VSIG4: variants seen among roughly 807,000 people sequenced by gnomAD.
The protein encoded by VSIG4 is V-set and immunoglobulin domain containing 4.
A neutral mutation model predicts 23.4 loss-of-function variants in VSIG4; 34 were observed. The observed-to-expected ratio is 1.45, with a 90% CI of 1.10 to 1.93. The LOEUF (loss-of-function observed/expected upper bound fraction) is 1.93, where lower values mean the gene tolerates loss of function less well. Ranked by LOEUF, VSIG4 falls within the 30% of genes most tolerant of loss-of-function variation. The pLI is 0.00. For synonymous variants in VSIG4, 169 were observed against 120.3 expected (o/e 1.41, Z -2.65); for missense variants, 433 against 310.8 (o/e 1.39, Z -2.96).
chrX:66,027,545 G>C lies in VSIG4; in HGVS notation c.758-19C>G. 1 of 1,148,158 alleles carries C rather than the reference G, an allele frequency of 8.7e-7. No individual in the cohort carries two copies. The highest frequency in any genetic ancestry group is 1.8e-5 in the African/African-American group (1 of 56,741). 94.6% of individuals were successfully genotyped at this position (1,148,158 alleles called of 1,213,427 possible). ...GATGTTGCTATGAATATAGAGAATAGGGTCAGAGATGTCTCTCTTCTTTCA... is the reference window on the plus strand; with the variant it reads ...GATGTTGCTATGAATATAGAGAATACGGTCAGAGATGTCTCTCTTCTTTCA... On this transcript the variant is annotated intron_variant, in intron 4 of 7. Transcript: ENST00000374737.
chrX:66,037,298 T>G (rs1296593280), intron 1 of VSIG4, among the ~76,000 whole-genome samples: 1 of 27,627 alleles, frequency 3.6e-5, no homozygotes, highest in Non-Finnish European at 5.3e-5. Flanking sequence ...ATATATATTA[T>G]ATAATAATAT....
chrX:66,032,683 C>A lies in VSIG4; in HGVS notation c.479G>T (p.Arg160Met). The change falls in exon 3 of 8, where the codon AGG becomes ATG. Residue 160 changes from arginine to methionine, a missense_variant. Arg to Met is a moderately conservative substitution (Grantham distance 91). Coordinates refer to ENST00000374737, the MANE Select transcript of VSIG4 (RefSeq NM_007268.3). ...CCGAGCCTGGCATTGAAGGCTAATCCTCATTCCCTGGGGCACCGTGAAGCC... is the reference window on the plus strand; with the variant it reads ...CCGAGCCTGGCATTGAAGGCTAATCATCATTCCCTGGGGCACCGTGAAGCC... ...GYGFTVPQGM[R>M]ISLQCQARGS... is the part of the protein sequence containing the mutation. 8.3e-7 allele frequency: 1 copy of A among 1,211,540 alleles called. No homozygotes were observed. The highest frequency in any genetic ancestry group is 1.8e-5 in the South Asian group (1 of 56,993).
intron 1 of VSIG4, 106 bp from the exon 2 acceptor site, chrX:66,033,936 A>T (rs2085500090): frequency 4.8e-6 from 3 of 625,324 alleles, no homozygotes; most frequent in Non-Finnish European, 5.0e-6. Flanking sequence ...ATGCCACTCA[A>T]CTTTCTTTCT....
At chrX:66,023,225 G>C (rs144895300) in intron 6 of VSIG4, among the ~76,000 whole-genome samples, 114 of 109,798 alleles carry the variant, frequency 1.0e-3, no homozygotes, top group African/African-American at 3.7e-3. Context: ...AAACTTGACT[G>C]TCAGGCCACA....
chrX:66,024,514 T>C (rs1224180872), intron 6 of VSIG4, among the ~76,000 whole-genome samples: 2 of 111,937 alleles, frequency 1.8e-5, no homozygotes, highest in Non-Finnish European at 3.8e-5. Flanking sequence ...TGAAATACTG[T>C]CTCCTTACAA....
In VSIG4 at chrX:66,025,058, A is replaced by G. The variant is rs1169147245; in HGVS notation, c.907T>C (p.Tyr303His). Residue 303 changes from tyrosine to histidine, a missense_variant, in exon 6 of 8, where the codon TAT becomes CAT. Transcript: ENST00000374737. Reference sequence around the variant, plus strand: ...GATGTCTTCCGACAGAGCATGATATAGGCCATGGTAAAAACCACCATACAG... The same window carrying G: ...GATGTCTTCCGACAGAGCATGATATGGGCCATGGTAAAAACCACCATACAG... ...LCCMVVFTMA[Y>H]IMLCRKTSQQ... 2 of 1,205,775 alleles carry G rather than the reference A, an allele frequency of 1.7e-6. No homozygotes were observed. Among genetic ancestry groups the G allele is most frequent in the Admixed American group, 4.4e-5 (2 of 45,328 alleles).
At position 66,025,042 on chromosome X, in the gene VSIG4, C is replaced by T. The variant is rs144052171; in HGVS notation, c.923G>A (p.Arg308Gln). The change falls in exon 6 of 8, where the codon CGG becomes CAG. Residue 308 changes from arginine to glutamine, a missense_variant. Physicochemically the swap from Arg to Gln is conservative, Grantham distance 43. Transcript: ENST00000374737. ...VFTMAYIMLC[R>Q]KTSQQEHVYE... ...TCACTAACCTTGTTGGGATGTCTTC[C>T]GACAGAGCATGATATAGGCCATGGT... The T allele has an allele frequency of 2.9e-5, 35 of 1,195,277 alleles. No homozygotes were observed. The highest frequency in any genetic ancestry group is 1.5e-4 in the South Asian group (8 of 54,077).
At chrX:66,029,201 T>G (rs1352043072) in intron 3 of VSIG4, among the ~76,000 whole-genome samples, 1 of 111,701 alleles carries the variant, frequency 9.0e-6, no homozygotes, top group Non-Finnish European at 1.9e-5. Flanking sequence ...CTAAAAGGGT[T>G]TGGGCTTTGT....
chrX:66,039,134 C>T (rs1180145144), intron 1 of VSIG4, among the ~76,000 whole-genome samples: 1 of 111,974 alleles, frequency 8.9e-6, no homozygotes. Flanking sequence ...TGAGCCATGT[C>T]TATAGGGAAG....
At chrX:66,034,510 T>C (rs2085510759) in intron 1 of VSIG4, among the ~76,000 whole-genome samples, 1 of 112,089 alleles carries the variant, frequency 8.9e-6, no homozygotes, top group African/African-American at 3.2e-5. Flanking sequence ...CATTAGCTAT[T>C]GTTAAATTCA....
chrX:66,033,914 G>T (rs2085499316), intron 1 of VSIG4, 84 bp from the exon 2 acceptor site: 3 of 797,670 alleles, frequency 3.8e-6, no homozygotes, highest in Non-Finnish European at 5.4e-6. Flanking sequence ...AACCTCAAAA[G>T]GTTTCTGAGA....
intron 6 of VSIG4, among the ~76,000 whole-genome samples, chrX:66,023,938 C>G (rs1234724557): frequency 8.9e-6 from 1 of 112,168 alleles, no homozygotes; most frequent in Non-Finnish European, 1.9e-5. Context: ...TTTTAGTGCC[C>G]CTGGGGTTTG....
chrX:66,036,727 T>C (rs1195140953), intron 1 of VSIG4, among the ~76,000 whole-genome samples: 2 of 51,590 alleles, frequency 3.9e-5, no homozygotes, highest in Non-Finnish European at 6.3e-5. Flanking sequence ...ATATATATTA[T>C]ATAATTATAA....
intron 1 of VSIG4, among the ~76,000 whole-genome samples, chrX:66,035,206 T>C (rs2085522081): frequency 8.9e-6 from 1 of 111,749 alleles, no homozygotes; most frequent in South Asian, 3.7e-4. Context: ...ATAAATAACA[T>C]AAGTCCATGT....
chrX:66,022,146 T>C lies in VSIG4; in HGVS notation c.*117A>G, dbSNP rs2085338619. The C allele has an allele frequency of 8.3e-7, 1 of 1,197,867 alleles. No homozygotes were observed. Among genetic ancestry groups the C allele is most frequent in the African/African-American group, 1.8e-5 (1 of 57,093 alleles). On this transcript the variant is annotated 3_prime_UTR_variant, in exon 8 of 8. Coordinates refer to ENST00000374737, the MANE Select transcript of VSIG4 (RefSeq NM_007268.3). ...CCAGTGACTCCCAGCGGCTCCAGTG[T>C]TGGTAGGCGGACACTTTGGGCTATC...
At chrX:66,026,212 A>G (rs1037446075) in intron 5 of VSIG4, among the ~76,000 whole-genome samples, 5 of 111,764 alleles carry the variant, frequency 4.5e-5, no homozygotes, top group African/African-American at 1.6e-4. Context: ...ACCTCAGTGT[A>G]CTTAGGATTT....
rs750110914 is a variant in VSIG4, at chrX:66,022,480, T to G, written c.983A>C (p.Asn328Thr). 1 of 1,211,665 alleles carries G rather than the reference T, an allele frequency of 8.3e-7. No homozygotes were observed. Among genetic ancestry groups the G allele is most frequent in the Non-Finnish European group, 1.1e-6 (1 of 895,490 alleles). The change falls in exon 8 of 8, where the codon AAC (asparagine) becomes ACC (threonine). Residue 328 changes from asparagine to threonine, a missense_variant. Coordinates refer to ENST00000374737, the MANE Select transcript of VSIG4 (RefSeq NM_007268.3). Reference sequence around the variant, plus strand: ...CACCCTCATGGTTTCTCCAGAGTCGTTGGCCTCTCTGGCATGTGCCCTATG... The same window carrying G: ...CACCCTCATGGTTTCTCCAGAGTCGGTGGCCTCTCTGGCATGTGCCCTATG... ...EAARAHAREA[N>T]DSGETMRVAI...
intron 1 of VSIG4, among the ~76,000 whole-genome samples, chrX:66,036,985 C>CATATAAT (rs2085579902): frequency 1.6e-4 from 2 of 12,770 alleles, no homozygotes; most frequent in African/African-American, 5.4e-4. Flanking sequence ...TATAATATAT[C>CATATAAT]ATATAATATA....
chrX:66,027,200 A>T (rs1030636731), intron 5 of VSIG4, among the ~76,000 whole-genome samples: 1 of 111,771 alleles, frequency 8.9e-6, no homozygotes, highest in Admixed American at 9.5e-5. Context: ...ATGACAACAG[A>T]GAACTAAATA....
Sources: allele counts gnomAD v4.1 joint callset (sites outside exome capture counted in the v4.1 genomes callset), GRCh38; gene constraint gnomAD v4.1.1; transcripts MANE v1.5; gene names NCBI Gene and HGNC (gene_info 2026-07-23, HGNC 2026-07-21).